Variants in LRRFIP2 observed in about 807,000 individuals in gnomAD.
The protein encoded by LRRFIP2 is LRR binding FLII interacting protein 2.
LRRFIP2 carries 109 observed loss-of-function variants against 125.9 expected under a neutral mutation model. That is an observed-to-expected ratio of 0.87 (90% CI 0.74 to 1.01). The LOEUF (loss-of-function observed/expected upper bound fraction) is 1.01, where lower values mean the gene tolerates loss of function less well. Ranked by LOEUF, LRRFIP2 falls within the 50% of genes least tolerant of loss-of-function variation. The probability of loss-of-function intolerance (pLI) is 0.00; values close to 1 mark genes in which losing one functional copy is unlikely to be tolerated. For missense variants in LRRFIP2, 850 were observed against 862.3 expected (o/e 0.99, Z 0.18); for synonymous variants, 291 against 293.1 (o/e 0.99, Z 0.07).
chr3:37,064,117 A>C, intron 23 of LRRFIP2: 1 of 279,502 alleles, frequency 3.6e-6, no homozygotes, highest in South Asian at 5.1e-5. Flanking sequence ...AGACAACTCA[A>C]ATGTCAAGTG....
chr3:37,075,393 C>T (rs2091884865), intron 19 of LRRFIP2, among the ~76,000 whole-genome samples: 1 of 151,852 alleles, frequency 6.6e-6, no homozygotes, highest in Non-Finnish European at 1.5e-5. Context: ...TGAACATATA[C>T]AATTCAATGA....
rs748172378 is a variant in LRRFIP2 at position 37,121,538 on chromosome 3, T to C, written c.286-2A>G. ...AATGGACAATGCATCCTCAACTCCC[T>C]GATAAAAATGAAAATAAACACAGTA... On this transcript the variant is annotated splice_acceptor_variant, in intron 5 of 27. Transcript: ENST00000336686. LOFTEE classifies it high-confidence loss of function. 2.7e-5 allele frequency: 43 copies of C among 1,613,808 alleles called. No homozygotes were observed. Among genetic ancestry groups the C allele is most frequent in the Non-Finnish European group, 3.6e-5 (42 of 1,179,846 alleles).
At chr3:37,162,095 G>A (rs1051946540) in intron 1 of LRRFIP2, among the ~76,000 whole-genome samples, 1 of 131,518 alleles carries the variant, frequency 7.6e-6, no homozygotes, top group African/African-American at 2.8e-5. Context: ...GGTCGAGGTT[G>A]TAGTGAGTCA....
At chr3:37,152,870 A>G (rs1475647122) in intron 1 of LRRFIP2, among the ~76,000 whole-genome samples, 1 of 152,226 alleles carries the variant, frequency 6.6e-6, no homozygotes, top group Non-Finnish European at 1.5e-5. Flanking sequence ...GGTATCATCC[A>G]ATATTTGTCC....
Position 37,053,719 on chromosome 3 carries a change from A to G in LRRFIP2, c.*132T>C. 1.6e-6 allele frequency: 1 copy of G among 625,892 alleles called. No homozygotes were observed. The highest frequency in any genetic ancestry group is 2.0e-5 in the South Asian group (1 of 51,014). 38.8% of individuals were successfully genotyped at this position (625,892 alleles called of 1,614,324 possible). On this transcript the variant is annotated 3_prime_UTR_variant, in exon 28 of 28. Transcript: ENST00000336686. ...AAATGACTTCATTCTGTCATAAATT[A>G]TAAAATACAAAGGTGGCTGTTTTAA... is the stretch of plus-strand genomic sequence containing the variant.
At chr3:37,101,484 G>A (rs576323134) in intron 15 of LRRFIP2, among the ~76,000 whole-genome samples, 2 of 151,996 alleles carry the variant, frequency 1.3e-5, no homozygotes, top group South Asian at 2.1e-4. Flanking sequence ...GGACAAGACA[G>A]CAAAACCCTA....
At chr3:37,063,268 TAGG>T (rs1161339082) in intron 24 of LRRFIP2, among the ~76,000 whole-genome samples, 3 of 152,128 alleles carry the variant, frequency 2.0e-5, no homozygotes, top group Admixed American at 2.0e-4. Flanking sequence ...GTTCCTTTAT[TAGG>T]AGGATATAAG....
intron 1 of LRRFIP2, among the ~76,000 whole-genome samples, chr3:37,160,411 A>C (rs2096305095): frequency 6.6e-6 from 1 of 152,220 alleles, no homozygotes; most frequent in African/African-American, 2.4e-5. Flanking sequence ...AACTTCAAAA[A>C]TAACCATCAT....
At chr3:37,091,629 G>T in intron 17 of LRRFIP2, 91 bp from the exon 18 acceptor site, 1 of 907,124 alleles carries the variant, frequency 1.1e-6, no homozygotes, top group Non-Finnish European at 1.7e-6. Flanking sequence ...ACTCACTTTT[G>T]TATATTCCAG....
Position 37,109,711 on chromosome 3 carries a change from A to G in LRRFIP2, c.514-8T>C. ...GTACAGGGAAGAAGACTGCTAAGAG[A>G]CAAAAACAAAATAAATAAGCAAAAA... On this transcript the variant is annotated splice_region_variant and splice_polypyrimidine_tract_variant and intron_variant, in intron 9 of 27. Transcript: ENST00000336686. The G allele has an allele frequency of 6.2e-7, 1 of 1,613,464 alleles. No homozygotes were observed. The highest frequency in any genetic ancestry group is 8.5e-7 in the Non-Finnish European group (1 of 1,179,610).
At chr3:37,077,055 A>C (rs2092148439) in intron 19 of LRRFIP2, among the ~76,000 whole-genome samples, 1 of 152,238 alleles carries the variant, frequency 6.6e-6, no homozygotes, top group African/African-American at 2.4e-5. Flanking sequence ...CATATTCCAG[A>C]ACAGAACTAT....
intron 15 of LRRFIP2, 104 bp downstream of exon 15, chr3:37,102,820 G>T: frequency 2.5e-6 from 2 of 792,726 alleles, no homozygotes; most frequent in Non-Finnish European, 4.0e-6. Context: ...TATTTCTTAA[G>T]ACAATAAATC....
intron 16 of LRRFIP2, 113 bp from the exon 17 acceptor site, chr3:37,095,021 AGT>A (rs965857219): frequency 2.8e-6 from 2 of 714,906 alleles, no homozygotes; most frequent in African/African-American, 3.5e-5. Context: ...CAGATGAAGA[AGT>A]TACCATGTGT....
chr3:37,079,456 AT>A (rs1394638913), intron 19 of LRRFIP2, among the ~76,000 whole-genome samples: 4 of 152,250 alleles, frequency 2.6e-5, no homozygotes, highest in South Asian at 4.1e-4. Context: ...GAAAGCATAT[AT>A]CCAGACCATG....
At chr3:37,080,968 G>C (rs2092591293) in intron 19 of LRRFIP2, among the ~76,000 whole-genome samples, 1 of 152,084 alleles carries the variant, frequency 6.6e-6, no homozygotes, top group South Asian at 2.1e-4. Context: ...GGTGTGAAAT[G>C]GTCTTTTGAT....
intron 6 of LRRFIP2, 71 bp downstream of exon 6, chr3:37,121,421 T>G: frequency 1.4e-6 from 2 of 1,391,612 alleles, no homozygotes; most frequent in Non-Finnish European, 2.0e-6. Context: ...ATTGTCAGAT[T>G]GTTTAGGCAA....
intron 1 of LRRFIP2, among the ~76,000 whole-genome samples, chr3:37,165,756 CA>C (rs1021680996): frequency 8.2e-5 from 7 of 85,194 alleles, no homozygotes; most frequent in Non-Finnish European, 1.7e-4. Flanking sequence ...AACTCTGTCA[CA>C]AAAAAAAGAA....
intron 1 of LRRFIP2, among the ~76,000 whole-genome samples, chr3:37,170,096 T>C (rs1458684278): frequency 6.6e-6 from 1 of 152,146 alleles, no homozygotes; most frequent in Non-Finnish European, 1.5e-5. Context: ...TCATCATCAT[T>C]CTCATCATCA....
intron 1 of LRRFIP2, among the ~76,000 whole-genome samples, chr3:37,167,700 G>A (rs761101474): frequency 5.4e-5 from 8 of 148,338 alleles, no homozygotes; most frequent in Non-Finnish European, 1.0e-4. Context: ...AAAAGAAAAC[G>A]GGACCAGGAA....
Sources: gnomAD v4.1 joint callset for allele counts (sites outside exome capture counted in the v4.1 genomes callset) on GRCh38, gnomAD v4.1.1 for gene constraint, MANE v1.5 for transcripts, NCBI Gene and HGNC (gene_info 2026-07-23, HGNC 2026-07-21) for gene names.